The following FBXO38 variants were observed in gnomAD, a reference collection of about 807,000 sequenced individuals.
The protein encoded by FBXO38 is F-box only protein 38.
FBXO38 carries 53 observed loss-of-function variants against 131.9 expected under a neutral mutation model. That is an observed-to-expected ratio of 0.40 (90% CI 0.32 to 0.51). The LOEUF (loss-of-function observed/expected upper bound fraction) is 0.51. FBXO38 is among the 20% of genes least tolerant of loss of function. FBXO38 has a pLI of 0.53. For missense variants in FBXO38, 1,076 were observed against 1,475.6 expected, an observed-to-expected ratio of 0.73 and a Z score of 4.44; for synonymous variants, 452 against 505.6, an observed-to-expected ratio of 0.89 and a Z score of 1.42.
At chr5:148,387,692 T>C (rs1035875448) in intron 1 of FBXO38, among the ~76,000 whole-genome samples, 1 of 138,308 alleles carries the variant, frequency 7.2e-6, no homozygotes, top group African/African-American at 2.9e-5. Flanking sequence ...ATTTATTTCT[T>C]TTTTTTTTTT....
At chr5:148,419,475 T>C (rs1753272224) in intron 12 of FBXO38, among the ~76,000 whole-genome samples, 2 of 152,222 alleles carry the variant, frequency 1.3e-5, no homozygotes, top group African/African-American at 4.8e-5. Flanking sequence ...TGGGGAATTA[T>C]GTTAAACAGT....
At chr5:148,392,485 T>C (rs1427005791) in intron 1 of FBXO38, among the ~76,000 whole-genome samples, 1 of 152,064 alleles carries the variant, frequency 6.6e-6, no homozygotes, top group Non-Finnish European at 1.5e-5. Flanking sequence ...GTTCAAGTTA[T>C]TGAGGTGAAA....
chr5:148,431,902 G>C (rs12513547), intron 15 of FBXO38, among the ~76,000 whole-genome samples: 41,056 of 152,038 alleles, frequency 0.27, 5,609 homozygotes, highest in African/African-American at 0.3. Flanking sequence ...TTCAGCCAAA[G>C]CAGCTGCTTT....
At chr5:148,428,825 T>C (rs1048649493) in intron 15 of FBXO38, among the ~76,000 whole-genome samples, 2 of 152,244 alleles carry the variant, frequency 1.3e-5, no homozygotes, top group Non-Finnish European at 2.9e-5. Flanking sequence ...ACCTTAGTTA[T>C]GTGCTAGTTA....
chr5:148,427,176 T>C, intron 14 of FBXO38, 37 bp from the exon 15 acceptor site: 1 of 1,538,478 alleles, frequency 6.5e-7, no homozygotes, highest in Non-Finnish European at 8.7e-7. Context: ...TGAAATCTTT[T>C]CTTTTCCTCG....
intron 9 of FBXO38, among the ~76,000 whole-genome samples, chr5:148,411,496 A>AT (rs1242273986): frequency 6.6e-6 from 1 of 151,912 alleles, no homozygotes; most frequent in African/African-American, 2.4e-5. Context: ...AGCAGATAAC[A>AT]TTTTTTCTTT....
At chr5:148,427,017 G>A (rs1753747182) in intron 14 of FBXO38, among the ~76,000 whole-genome samples, 196 bp from the exon 15 acceptor site, 1 of 152,116 alleles carries the variant, frequency 6.6e-6, no homozygotes, top group Non-Finnish European at 1.5e-5. Context: ...CATAGCTAAG[G>A]AGTATAAACC....
At chr5:148,387,436 A>C (rs1354511264) in intron 1 of FBXO38, among the ~76,000 whole-genome samples, 1 of 152,012 alleles carries the variant, frequency 6.6e-6, no homozygotes, top group East Asian at 1.9e-4. Flanking sequence ...TCCTCCACTG[A>C]TGTCTTTTGT....
chr5:148,408,118 A>G (rs1339155484), intron 7 of FBXO38, among the ~76,000 whole-genome samples: 1 of 152,200 alleles, frequency 6.6e-6, no homozygotes, highest in Non-Finnish European at 1.5e-5. Flanking sequence ...TAAACATGAA[A>G]AAACGATAAA....
At chr5:148,428,067 T>A (rs1753825906) in intron 15 of FBXO38, 120 bp downstream of exon 15, 1 of 1,116,222 alleles carries the variant, frequency 9.0e-7, no homozygotes, top group African/African-American at 1.5e-5. Flanking sequence ...TTTGGGGTTT[T>A]GTGGGTCATG....
At chr5:148,415,491 A>T (rs1460867462) in intron 10 of FBXO38, 1 of 159,952 alleles carries the variant, frequency 6.3e-6, no homozygotes, top group Non-Finnish European at 1.4e-5. Context: ...ATACCAAAGG[A>T]TCTTACTCTG....
At chr5:148,438,299 T>C (rs1554082990) in intron 17 of FBXO38, 33 bp from the exon 18 acceptor site, 1 of 1,598,194 alleles carries the variant, frequency 6.3e-7, no homozygotes, top group Non-Finnish European at 8.5e-7. Context: ...AAAGATGATA[T>C]GTACGGAGCT....
intron 10 of FBXO38, 94 bp downstream of exon 10, chr5:148,414,400 T>C: frequency 8.8e-7 from 1 of 1,137,174 alleles, no homozygotes; most frequent in South Asian, 1.6e-5. Flanking sequence ...GCATTCCTAA[T>C]GTAAAATGTA....
At chr5:148,428,960 A>G (rs762686398) in intron 15 of FBXO38, among the ~76,000 whole-genome samples, 6 of 152,148 alleles carry the variant, frequency 3.9e-5, no homozygotes, top group Non-Finnish European at 8.8e-5. Flanking sequence ...ATGTTTGATA[A>G]TATCTTTTTT....
rs1045883948 is a variant in FBXO38 at position 148,402,627 on chromosome 5, C to T, written c.592+114C>T. 6.9e-5 allele frequency: 65 copies of T among 938,718 alleles called. No homozygotes were observed. The East Asian group carries it at 1.7e-3, about 24-fold the overall frequency. 58.1% of individuals were successfully genotyped at this position (938,718 alleles called of 1,614,324 possible). On this transcript the variant is annotated intron_variant, in intron 5 of 21. Transcript: ENST00000340253. ...AGATGGCTTTGTTGATTGATGATTG[C>T]AAAATAAATGTTTGCAAGATCTGTA...
chr5:148,395,503 T>C (rs1007317816), intron 2 of FBXO38, among the ~76,000 whole-genome samples: 36 of 152,004 alleles, frequency 2.4e-4, no homozygotes, highest in Non-Finnish European at 4.4e-5. Flanking sequence ...AAGCTGTCAT[T>C]CTAGTTTCCA....
rs928467078 is a variant in FBXO38, at chr5:148,442,263, A to G, written c.*116A>G. 1.7e-5 allele frequency: 13 copies of G among 780,776 alleles called. No homozygotes were observed. The Admixed American group carries it at 2.2e-4, about 13-fold the overall frequency. 48.4% of individuals were successfully genotyped at this position (780,776 alleles called of 1,614,324 possible). A position where few individuals can be genotyped will look rare whatever the true frequency, so the allele number is the denominator to read the frequency against. ...TTGGGAGGTCCTGGCTCGGTTTGCT[A>G]TATAGGGAATATATAAGGAACATCG... On this transcript the variant is annotated 3_prime_UTR_variant, in exon 22 of 22. Coordinates refer to ENST00000340253, the MANE Select transcript of FBXO38 (RefSeq NM_205836.3).
At chr5:148,388,218 T>A (rs968884446) in intron 1 of FBXO38, among the ~76,000 whole-genome samples, 2 of 152,236 alleles carry the variant, frequency 1.3e-5, no homozygotes, top group Admixed American at 1.3e-4. Context: ...TTTAGTATAC[T>A]ATACTGTAAA....
chr5:148,413,974 C>T (rs77074249), intron 9 of FBXO38, 162 bp from the exon 10 acceptor site: 75 of 536,766 alleles, frequency 1.4e-4, no homozygotes, highest in African/African-American at 1.0e-3. Flanking sequence ...ACCATATGTA[C>T]GGAATACCTA....
Sources: allele counts gnomAD v4.1 joint callset (sites outside exome capture counted in the v4.1 genomes callset), GRCh38; gene constraint gnomAD v4.1.1; transcripts MANE v1.5; gene names NCBI Gene and HGNC (gene_info 2026-07-23, HGNC 2026-07-21).